CMIP: variants seen among roughly 807,000 people sequenced by gnomAD.
CMIP encodes the protein C-Maf-inducing protein.
Under a neutral mutation model 97.3 loss-of-function variants are expected in CMIP, and 13 were observed. The observed-to-expected ratio is 0.13, with a 90% CI of 0.09 to 0.21. The LOEUF (loss-of-function observed/expected upper bound fraction) is 0.21, where lower values mean the gene tolerates loss of function less well. Among genes scored for constraint, CMIP ranks in the 10% least tolerant of loss-of-function variants. The pLI, the probability that CMIP is intolerant of heterozygous loss-of-function variation, is 1.00. For synonymous variants in CMIP, 538 were observed against 436.3 expected (o/e 1.23, Z -2.91); for missense variants, 847 against 1,024.9 (o/e 0.83, Z 2.37).
intron 1 of CMIP, among the ~76,000 whole-genome samples, chr16:81,524,064 C>T (rs559838544): frequency 7.2e-5 from 11 of 152,232 alleles, no homozygotes; most frequent in Non-Finnish European, 1.0e-4. Context: ...AACTGGCTCC[C>T]TTGGCCTCTG....
Position 81,709,769 on chromosome 16 carries a change from A to G in CMIP, c.2292A>G (p.Glu764=). Residue 764 remains glutamate (E), a synonymous_variant, in exon 21 of 21, where the codon GAA becomes GAG. Transcript: ENST00000537098. The stretch of plus-strand genomic sequence containing the variant: ...AGGCCAAGCTTCCCAATTTGAAGGA[A>G]GTGGACGTCCGCTACACCGAAGCCT... The part of the protein sequence containing the change: ...DLKAKLPNLK[E]VDVRYTEAW The G allele has an allele frequency of 6.2e-7, 1 of 1,613,970 alleles. No individual in the cohort carries two copies. Among genetic ancestry groups the G allele is most frequent in the South Asian group, 1.1e-5 (1 of 91,070 alleles).
rs972104221 is a variant in CMIP at position 81,626,335 on chromosome 16, CTGTG to C, written c.477+5414_477+5417del. 7.4e-5 allele frequency among the ~76,000 whole-genome samples: 11 copies of C among 149,598 alleles called. No individual in the cohort carries two copies. The South Asian group carries it at 1.1e-3, about 14-fold the overall frequency. ...GAGTGTGGTGAGGTGACTGGTGTGT[CTGTG>C]TGTGGTGTGTGAGGTGACTGTTTTG... On this transcript the variant is annotated intron_variant, in intron 3 of 20. Coordinates refer to ENST00000537098, the MANE Select transcript of CMIP (RefSeq NM_198390.3).
At chr16:81,675,732 A>G (rs1341762483) in intron 9 of CMIP, among the ~76,000 whole-genome samples, 1 of 152,204 alleles carries the variant, frequency 6.6e-6, no homozygotes, top group East Asian at 1.9e-4. Flanking sequence ...AGAGAGAGGA[A>G]AGGGAAGCAA....
chr16:81,513,381 C>T (rs1248771129), intron 1 of CMIP, among the ~76,000 whole-genome samples: 1 of 152,208 alleles, frequency 6.6e-6, no homozygotes, highest in East Asian at 1.9e-4. Flanking sequence ...GGGCCCCACG[C>T]ATAGTAGGTG....
At chr16:81,484,693 A>G (rs955192694) in intron 1 of CMIP, among the ~76,000 whole-genome samples, 1 of 152,090 alleles carries the variant, frequency 6.6e-6, no homozygotes, top group South Asian at 2.1e-4. Flanking sequence ...ACGCTAAGCG[A>G]TGGAAACATT....
At position 81,453,032 on chromosome 16, in the gene CMIP, A is replaced by G. The variant is rs1336612879; in HGVS notation, c.300+7491A>G. ...CTCCCTTTGTCCATAACTACACTCT[A>G]AGGATCCTAGGATCTAGAACACACT... On this transcript the variant is annotated intron_variant, in intron 1 of 20. Coordinates refer to ENST00000537098, the MANE Select transcript of CMIP (RefSeq NM_198390.3). This position sits in a 1 kb window ranked among gnomAD's most constrained non-coding sequence, Gnocchi z 4.0. Among the ~76,000 whole-genome samples, 1 of 152,012 alleles carries G rather than the reference A, an allele frequency of 6.6e-6. No homozygotes were observed. The highest frequency in any genetic ancestry group is 1.5e-5 in the Non-Finnish European group (1 of 67,990).
At chr16:81,657,243 G>T (rs1047547739) in intron 4 of CMIP, among the ~76,000 whole-genome samples, 3 of 152,116 alleles carry the variant, frequency 2.0e-5, no homozygotes, top group African/African-American at 7.2e-5. Context: ...TTTGAATTCA[G>T]CTAAAACATC....
rs968338481 is a variant in CMIP at position 81,621,902 on chromosome 16, C to G, written c.477+976C>G. The stretch of plus-strand genomic sequence containing the variant: ...TTTCCTGGTCCCAGAGAGGGCCACT[C>G]CCCTCCTTTCCTCTGTCAGCTACTG... On this transcript the variant is annotated intron_variant, in intron 3 of 20. Transcript: ENST00000537098. The surrounding 1 kb of genome is among the most constrained non-coding windows in gnomAD (Gnocchi z 4.1). 34 of 152,386 alleles carry G rather than the reference C, an allele frequency of 2.2e-4. No individual in the cohort carries two copies. Among genetic ancestry groups the G allele is most frequent in the Admixed American group, 2.2e-3 (33 of 15,308 alleles). The allele number at this position is 152,386 out of a possible 1,614,324, so 9.4% of individuals were successfully genotyped here.
At chr16:81,637,815 C>G (rs905595660) in intron 3 of CMIP, among the ~76,000 whole-genome samples, 5 of 152,182 alleles carry the variant, frequency 3.3e-5, no homozygotes, top group African/African-American at 1.2e-4. Context: ...AACAGAAATT[C>G]ATTTCTCATG....
intron 2 of CMIP, chr16:81,617,112 T>A (rs1247979066): frequency 6.6e-6 from 1 of 152,336 alleles, no homozygotes; most frequent in Non-Finnish European, 1.5e-5. Context: ...AAATGCTGGT[T>A]CCTTCTGTAA....
intron 13 of CMIP, chr16:81,696,105 G>A: frequency 4.6e-6 from 1 of 219,772 alleles, no homozygotes; most frequent in Non-Finnish European, 9.2e-6. Flanking sequence ...CACGGGAGAG[G>A]AGTTAGAAAC....
intron 1 of CMIP, among the ~76,000 whole-genome samples, chr16:81,482,826 G>T (rs1056599947): frequency 6.6e-6 from 1 of 152,262 alleles, no homozygotes; most frequent in African/African-American, 2.4e-5. Flanking sequence ...TAAAATGGGG[G>T]TGAGATAGGG....
In CMIP at chr16:81,635,373, C is replaced by T. The variant is rs1042991081; in HGVS notation, c.477+14447C>T. 2.8e-4 allele frequency among the ~76,000 whole-genome samples: 43 copies of T among 152,142 alleles called. No homozygotes were observed. In the East Asian group the frequency reaches 4.1e-3, roughly 14 times the overall value. On this transcript the variant is annotated intron_variant, in intron 3 of 20. Transcript: ENST00000537098. ...ACAGAGTCAGGGGGAAGGATTTGGT[C>T]GGCTTCATTTTAATTTTTTAAAGGT...
chr16:81,693,524 T>G, intron 13 of CMIP, 37 bp downstream of exon 13: 1 of 1,598,350 alleles, frequency 6.3e-7, no homozygotes, highest in Non-Finnish European at 8.5e-7. Context: ...GCCGGCTGTC[T>G]GGGGATGGCA....
chr16:81,480,775 C>G (rs1340943974), intron 1 of CMIP, among the ~76,000 whole-genome samples: 1 of 152,196 alleles, frequency 6.6e-6, no homozygotes, highest in Non-Finnish European at 1.5e-5. Flanking sequence ...TGCAAGGGGA[C>G]TGTTATGATG....
Position 81,652,737 on chromosome 16 carries a change from T to G in CMIP, c.639+373T>G, listed in dbSNP as rs1222452517. Among the ~76,000 whole-genome samples the G allele has an allele frequency of 6.6e-6, 1 of 152,162 alleles. No individual in the cohort carries two copies. Among genetic ancestry groups the G allele is most frequent in the Non-Finnish European group, 1.5e-5 (1 of 68,022 alleles). On this transcript the variant is annotated intron_variant, in intron 4 of 20. Transcript: ENST00000537098. The surrounding 1 kb of genome is among the most constrained non-coding windows in gnomAD (Gnocchi z 5.2). ...CACAAAGCCTGTAGATGTGCTCTGT[T>G]TAATTTAAACACCATTTTAAAAATC...
intron 9 of CMIP, among the ~76,000 whole-genome samples, chr16:81,674,865 C>T (rs529081014): frequency 1.8e-4 from 28 of 151,708 alleles, no homozygotes; most frequent in African/African-American, 6.3e-4. Flanking sequence ...GGATTACAGG[C>T]GTGAGCCACC....
At chr16:81,628,861 C>CG (rs1026688971) in intron 3 of CMIP, among the ~76,000 whole-genome samples, 22 of 152,168 alleles carry the variant, frequency 1.4e-4, no homozygotes, top group African/African-American at 5.3e-4. Flanking sequence ...ATTGGCTGCG[C>CG]GTGATGGCTC....
intron 3 of CMIP, among the ~76,000 whole-genome samples, chr16:81,640,289 C>G (rs895981810): frequency 1.2e-4 from 16 of 134,130 alleles, no homozygotes; most frequent in East Asian, 4.8e-4. Flanking sequence ...ACATCAGGCC[C>G]CCCCCCCCCC....
Sources: allele counts gnomAD v4.1 joint callset (sites outside exome capture counted in the v4.1 genomes callset), GRCh38; gene constraint gnomAD v4.1.1; non-coding constraint Gnocchi (gnomAD v3.1); transcripts MANE v1.5; gene names NCBI Gene and HGNC (gene_info 2026-07-23, HGNC 2026-07-21).